Variants in GSTCD observed in about 807,000 individuals in gnomAD.
The protein encoded by GSTCD is glutathione S-transferase C-terminal domain-containing protein.
In GSTCD, 44 loss-of-function variants were observed where a neutral mutation model predicts 68.3. The ratio of observed to expected loss-of-function variants is 0.64; its 90% CI spans 0.51 to 0.83. The LOEUF (loss-of-function observed/expected upper bound fraction) is 0.83. GSTCD is among the 40% of genes least tolerant of loss of function. The pLI is 0.00. For synonymous variants in GSTCD, 273 were observed against 255.2 expected, an observed-to-expected ratio of 1.07 and a Z score of -0.67; for missense variants, 739 against 735.9, an observed-to-expected ratio of 1.00 and a Z score of -0.05.
At chr4:105,731,181 T>C (rs1343988260) in intron 5 of GSTCD, among the ~76,000 whole-genome samples, 2 of 152,196 alleles carry the variant, frequency 1.3e-5, no homozygotes, top group African/African-American at 2.4e-5. Flanking sequence ...TCCAGCTTTG[T>C]TCTTTTGGCT....
chr4:105,791,460 A>G (rs1018459788), intron 5 of GSTCD, among the ~76,000 whole-genome samples: 9 of 151,590 alleles, frequency 5.9e-5, no homozygotes, highest in African/African-American at 2.2e-4. Context: ...GTTGTTGATG[A>G]GTAAAACACG....
intron 8 of GSTCD, among the ~76,000 whole-genome samples, chr4:105,831,595 T>G (rs1723900089): frequency 6.6e-6 from 1 of 152,254 alleles, no homozygotes; most frequent in African/African-American, 2.4e-5. Context: ...TTGTTTTTGT[T>G]TGTGTGTTCA....
chr4:105,833,893 T>C (rs1186551216), intron 8 of GSTCD, among the ~76,000 whole-genome samples: 1 of 152,206 alleles, frequency 6.6e-6, no homozygotes, highest in Non-Finnish European at 1.5e-5. Context: ...AAATAGTTCC[T>C]GTAACTCATC....
chr4:105,799,267 T>C (rs542968428), intron 5 of GSTCD, among the ~76,000 whole-genome samples: 1 of 152,204 alleles, frequency 6.6e-6, no homozygotes, highest in East Asian at 1.9e-4. Flanking sequence ...ATATCAGTAA[T>C]GAGGCATTTT....
intron 5 of GSTCD, among the ~76,000 whole-genome samples, chr4:105,776,268 C>T (rs1735057105): frequency 6.6e-6 from 1 of 152,304 alleles, no homozygotes; most frequent in Non-Finnish European, 1.5e-5. Context: ...TCTTAGCTTG[C>T]TGGGCTCTGT....
chr4:105,726,856 G>C, intron 4 of GSTCD, 26 bp downstream of exon 4: 1 of 1,555,414 alleles, frequency 6.4e-7, no homozygotes, highest in African/African-American at 1.4e-5. Flanking sequence ...CATTTTCTTT[G>C]AAAAATTCTA....
intron 5 of GSTCD, among the ~76,000 whole-genome samples, chr4:105,798,641 A>G (rs911566020): frequency 2.6e-5 from 4 of 152,276 alleles, no homozygotes; most frequent in East Asian, 3.9e-4. Context: ...TGCATTGTCA[A>G]TGAGTCATGA....
At chr4:105,769,337 C>G (rs1734750852) in intron 5 of GSTCD, among the ~76,000 whole-genome samples, 1 of 151,758 alleles carries the variant, frequency 6.6e-6, no homozygotes, top group Non-Finnish European at 1.5e-5. Context: ...GAGGGGCAGT[C>G]TTCATGAACC....
intron 5 of GSTCD, among the ~76,000 whole-genome samples, chr4:105,799,223 T>C (rs1736014395): frequency 6.6e-6 from 1 of 152,250 alleles, no homozygotes; most frequent in Non-Finnish European, 1.5e-5. Context: ...ATGTTTTGTC[T>C]GGTTTGATCT....
intron 5 of GSTCD, among the ~76,000 whole-genome samples, chr4:105,816,648 A>G (rs1723009237): frequency 6.6e-6 from 1 of 152,048 alleles, no homozygotes; most frequent in Non-Finnish European, 1.5e-5. Context: ...GGAATCACTC[A>G]TTTCCCTGCT....
chr4:105,781,987 G>T (rs1482400536), intron 5 of GSTCD, among the ~76,000 whole-genome samples: 1 of 152,050 alleles, frequency 6.6e-6, no homozygotes, highest in African/African-American at 2.4e-5. Context: ...GTTTTTCTGT[G>T]AGATGCTTTG....
chr4:105,757,841 CAA>C (rs1275560002), intron 5 of GSTCD, among the ~76,000 whole-genome samples: 1 of 151,788 alleles, frequency 6.6e-6, no homozygotes, highest in African/African-American at 2.4e-5. Flanking sequence ...AGGTTATAGT[CAA>C]AAAAAGACTA....
At chr4:105,738,812 A>G (rs1361283453) in intron 5 of GSTCD, among the ~76,000 whole-genome samples, 2 of 152,154 alleles carry the variant, frequency 1.3e-5, no homozygotes, top group Non-Finnish European at 2.9e-5. Context: ...TTCCTTGCCA[A>G]TTTGGATGCC....
intron 8 of GSTCD, 21 bp downstream of exon 8, chr4:105,825,821 A>G: frequency 7.2e-7 from 1 of 1,388,810 alleles, no homozygotes; most frequent in Non-Finnish European, 1.0e-6. Context: ...AAGTAATTTC[A>G]ATTTCTTTAA....
intron 8 of GSTCD, among the ~76,000 whole-genome samples, chr4:105,829,187 T>TAAAA (rs761947774): frequency 3.0e-4 from 35 of 114,878 alleles, no homozygotes; most frequent in Non-Finnish European, 4.3e-4. Context: ...CAGCTATAAT[T>TAAAA]AAAAAAAAAA....
chr4:105,844,274 A>G (rs1724468459), intron 11 of GSTCD, among the ~76,000 whole-genome samples: 1 of 152,028 alleles, frequency 6.6e-6, no homozygotes, highest in East Asian at 1.9e-4. Flanking sequence ...ATTTTAAGGG[A>G]AAAAAAAGAA....
intron 3 of GSTCD, among the ~76,000 whole-genome samples, chr4:105,722,496 TAC>T (rs1164168860): frequency 9.2e-5 from 14 of 152,052 alleles, no homozygotes; most frequent in African/African-American, 3.4e-4. Flanking sequence ...TTTCTCTGCT[TAC>T]ACTGCTCACC....
intron 8 of GSTCD, among the ~76,000 whole-genome samples, chr4:105,833,994 A>G (rs1170685209): frequency 6.6e-6 from 1 of 152,216 alleles, no homozygotes; most frequent in African/African-American, 2.4e-5. Context: ...CCCTGATTAG[A>G]TTATGTTAAT....
intron 5 of GSTCD, among the ~76,000 whole-genome samples, chr4:105,748,046 G>A (rs1355482852): frequency 6.6e-6 from 1 of 152,066 alleles, no homozygotes; most frequent in Non-Finnish European, 1.5e-5. Flanking sequence ...CTTGAGGTCA[G>A]GAGTTCAAGA....
Sources: gnomAD v4.1 joint callset for allele counts (sites outside exome capture counted in the v4.1 genomes callset) on GRCh38, gnomAD v4.1.1 for gene constraint, MANE v1.5 for transcripts, NCBI Gene and HGNC (gene_info 2026-07-23, HGNC 2026-07-21) for gene names.